Variants in IL22RA2 observed in about 807,000 individuals in gnomAD.
The protein encoded by IL22RA2 is interleukin 22 receptor subunit alpha 2, also known as interleukin-22 receptor subunit alpha-2.
Under a neutral mutation model 30.7 loss-of-function variants are expected in IL22RA2, and 39 were observed. That is an observed-to-expected ratio of 1.27 (90% CI 0.98 to 1.66). The LOEUF (loss-of-function observed/expected upper bound fraction) is 1.66, where lower values mean the gene tolerates loss of function less well. Ranked by LOEUF, IL22RA2 falls within the 40% of genes most tolerant of loss-of-function variation. The probability of loss-of-function intolerance (pLI) is 0.00; values close to 1 mark genes in which losing one functional copy is unlikely to be tolerated. For missense variants in IL22RA2, 315 were observed against 312.7 expected, an observed-to-expected ratio of 1.01 and a Z score of -0.05; for synonymous variants, 103 against 105.0, an observed-to-expected ratio of 0.98 and a Z score of 0.11.
Position 137,147,832 on chromosome 6 carries a change from G to T in IL22RA2, c.532C>A (p.Leu178Ile), listed in dbSNP as rs1169587993. The change falls in exon 6 of 7, where the codon CTC becomes ATC. Residue 178 changes from leucine (L) to isoleucine (I), a missense_variant. Physicochemically the swap from Leu to Ile is conservative, Grantham distance 5. Coordinates refer to ENST00000296980, the MANE Select transcript of IL22RA2 (RefSeq NM_052962.3). ...CTATATGGTAAATTTGGAGCATGGAGAATTACCAACAAAGAGCCATTGACT... is the reference window on the plus strand; with the variant it reads ...CTATATGGTAAATTTGGAGCATGGATAATTACCAACAAAGAGCCATTGACT... ...TQVNGSLLVILHAPNLPYRYQ... is the reference protein window; with the variant it reads ...TQVNGSLLVIIHAPNLPYRYQ... 6.2e-7 allele frequency: 1 copy of T among 1,613,506 alleles called. No homozygotes were observed. Among genetic ancestry groups the T allele is most frequent in the Non-Finnish European group, 8.5e-7 (1 of 1,179,672 alleles).
chr6:137,151,364 A>G (rs1294630804), intron 5 of IL22RA2, among the ~76,000 whole-genome samples: 1 of 152,244 alleles, frequency 6.6e-6, no homozygotes, highest in East Asian at 1.9e-4. Flanking sequence ...TCATATGTCA[A>G]AGAATAATAT....
At chr6:137,153,666 T>A (rs375892668) in intron 5 of IL22RA2, among the ~76,000 whole-genome samples, 5 of 152,198 alleles carry the variant, frequency 3.3e-5, no homozygotes, top group African/African-American at 1.2e-4. Context: ...GAGGTTCTTA[T>A]ATTGTCTAGG....
At chr6:137,149,504 C>T (rs560060830) in intron 5 of IL22RA2, among the ~76,000 whole-genome samples, 18 of 152,252 alleles carry the variant, frequency 1.2e-4, no homozygotes, top group African/African-American at 3.9e-4. Context: ...CCATTATATC[C>T]GATCTATCAC....
intron 2 of IL22RA2, among the ~76,000 whole-genome samples, chr6:137,161,415 GGAGA>G (rs376885215): frequency 6.6e-6 from 1 of 151,084 alleles, no homozygotes; most frequent in African/African-American, 2.4e-5. Context: ...AGGGAGGGAA[GGAGA>G]GAGAGAGAGA....
intron 2 of IL22RA2, among the ~76,000 whole-genome samples, chr6:137,160,757 G>A (rs28385767): frequency 0.079 from 12,071 of 152,248 alleles, 1,172 homozygotes; most frequent in African/African-American, 0.23. Flanking sequence ...TGAGGCTTTA[G>A]AAAGTTGCAT....
chr6:137,154,831 A>G (rs770851072), intron 5 of IL22RA2, 110 bp downstream of exon 5: 5 of 828,712 alleles, frequency 6.0e-6, no homozygotes, highest in Non-Finnish European at 1.0e-5. Context: ...ACCAAAAGAG[A>G]TAATGATGTA....
intron 2 of IL22RA2, 128 bp downstream of exon 2, chr6:137,161,561 T>A: frequency 2.8e-6 from 2 of 720,100 alleles, no homozygotes; most frequent in African/African-American, 1.8e-5. Flanking sequence ...CCTGCTCTGA[T>A]CATTTAGTGA....
intron 5 of IL22RA2, among the ~76,000 whole-genome samples, chr6:137,152,728 G>A (rs569864130): frequency 5.1e-4 from 78 of 152,252 alleles, no homozygotes; most frequent in African/African-American, 1.8e-3. Flanking sequence ...TCTCAATAAG[G>A]CTGTTTAAAA....
At chr6:137,152,832 A>G (rs1048794561) in intron 5 of IL22RA2, among the ~76,000 whole-genome samples, 5 of 152,270 alleles carry the variant, frequency 3.3e-5, no homozygotes, top group Admixed American at 3.3e-4. Flanking sequence ...TGGAGGCTAT[A>G]TATAGACTTA....
chr6:137,157,112 G>C (rs898631147), intron 3 of IL22RA2, among the ~76,000 whole-genome samples: 3 of 152,190 alleles, frequency 2.0e-5, no homozygotes, highest in Admixed American at 6.5e-5. Context: ...AATTTTGGTG[G>C]AGACAAACTC....
intron 4 of IL22RA2, 49 bp from the exon 5 acceptor site, chr6:137,155,168 G>C (rs1363240912): frequency 2.9e-6 from 4 of 1,372,380 alleles, no homozygotes; most frequent in African/African-American, 1.5e-5. Context: ...TCCACTCAAG[G>C]AGTCTTCAGT....
At position 137,145,036 on chromosome 6, in the gene IL22RA2, A is replaced by G. The variant is rs1778146720; in HGVS notation, c.*588T>C. On this transcript the variant is annotated 3_prime_UTR_variant, in exon 7 of 7. Transcript: ENST00000296980. Reference sequence around the variant, plus strand: ...TTCCCCAAAACCTGTTCTTATTTACATAAAGTAGACTTTAAAACAAAATTT... The same window carrying G: ...TTCCCCAAAACCTGTTCTTATTTACGTAAAGTAGACTTTAAAACAAAATTT... 6.6e-6 allele frequency: 1 copy of G among 151,764 alleles called. No individual in the cohort carries two copies. The highest frequency in any genetic ancestry group is 2.4e-5 in the African/African-American group (1 of 41,394). The allele number at this position is 151,764 out of a possible 1,614,324, so 9.4% of individuals were successfully genotyped here. A position where few individuals can be genotyped will look rare whatever the true frequency, so the allele number is the denominator to read the frequency against.
chr6:137,169,640 T>C (rs1327263245), intron 1 of IL22RA2, among the ~76,000 whole-genome samples: 1 of 152,150 alleles, frequency 6.6e-6, no homozygotes, highest in African/African-American at 2.4e-5. Context: ...GGGCACAAGA[T>C]GGGTCATGGG....
Position 137,154,996 on chromosome 6 carries a change from C to G in IL22RA2, c.417G>C (p.Ser139=), listed in dbSNP as rs140915731. The change falls in exon 5 of 7, where the codon TCG becomes TCC. Residue 139 remains serine, a synonymous_variant. Transcript: ENST00000296980. ...TGCTCCATTCTGAGTAGCTCCCAGC[C>G]GAGGCCGCCCTCACCCTCCCGTAAT... ...EPYYGRVRAA[S]AGSYSEWSMT... 14 of 1,614,070 alleles carry G rather than the reference C, an allele frequency of 8.7e-6. No homozygotes were observed. The highest frequency in any genetic ancestry group is 2.2e-5 in the East Asian group (1 of 44,860).
intron 6 of IL22RA2, among the ~76,000 whole-genome samples, chr6:137,146,982 T>A (rs1266970517): frequency 6.7e-6 from 1 of 149,692 alleles, no homozygotes; most frequent in Non-Finnish European, 1.5e-5. Context: ...GGTGACAGAG[T>A]CAGACCCTGT....
At chr6:137,154,228 C>G (rs1778350848) in intron 5 of IL22RA2, among the ~76,000 whole-genome samples, 1 of 152,176 alleles carries the variant, frequency 6.6e-6, no homozygotes, top group African/African-American at 2.4e-5. Context: ...TTAATTTCCT[C>G]AACAGAAAAT....
Position 137,173,421 on chromosome 6 carries a change from G to A in IL22RA2, c.-74C>T, listed in dbSNP as rs1473270205. ...AAATAAAGTTTACTTACCAGATGCT[G>A]TCTTCCTTTTGGTAATTTTAATGCC... On this transcript the variant is annotated 5_prime_UTR_variant, in exon 1 of 7. The change creates a premature stop within an existing upstream ORF in the 5' untranslated region. Coordinates refer to ENST00000296980, the MANE Select transcript of IL22RA2 (RefSeq NM_052962.3). 6.6e-6 allele frequency: 1 copy of A among 152,202 alleles called. No homozygotes were observed. Among genetic ancestry groups the A allele is most frequent in the East Asian group, 1.9e-4 (1 of 5,206 alleles). 9.4% of individuals were successfully genotyped at this position (152,202 alleles called of 1,614,324 possible).
At chr6:137,158,296 A>G in intron 3 of IL22RA2, 51 bp downstream of exon 3, 1 of 1,605,370 alleles carries the variant, frequency 6.2e-7, no homozygotes, top group Non-Finnish European at 8.5e-7. Context: ...ATTCTAGAAC[A>G]TGTTATCCCA....
In IL22RA2 at chr6:137,150,480, A is replaced by ATT. The variant is rs61381227; in HGVS notation, c.473-2591_473-2590dup. On this transcript the variant is annotated intron_variant, in intron 5 of 6. Coordinates refer to ENST00000296980, the MANE Select transcript of IL22RA2 (RefSeq NM_052962.3). ...CTTTTTTCTTTTCTTTTCTTTTCTG[A>ATT]TTTTTTTTTTTTTTTTTTTTTTTTT... Among the ~76,000 whole-genome samples the ATT allele has an allele frequency of 2.8e-3, 279 of 100,512 alleles. 7 individuals carry two copies. The highest frequency in any genetic ancestry group is 6.8e-3 in the African/African-American group (177 of 26,052). The allele number at this position is 100,512 out of a possible 152,430, so 65.9% of individuals were successfully genotyped here.
Sources: allele counts gnomAD v4.1 joint callset (sites outside exome capture counted in the v4.1 genomes callset), GRCh38; gene constraint gnomAD v4.1.1; transcripts MANE v1.5; gene names NCBI Gene and HGNC (gene_info 2026-07-23, HGNC 2026-07-21).